Variants in SCFD2 observed in about 807,000 individuals in gnomAD.
SCFD2 encodes the protein sec1 family domain-containing protein 2.
SCFD2 carries 54 observed loss-of-function variants against 58.9 expected under a neutral mutation model. The ratio of observed to expected loss-of-function variants is 0.92; its 90% CI spans 0.74 to 1.15. The LOEUF is 1.15. Ranked by LOEUF, SCFD2 falls within the 50% of genes most tolerant of loss-of-function variation. The pLI, the probability that SCFD2 is intolerant of heterozygous loss-of-function variation, is 0.00. For synonymous variants in SCFD2, 321 were observed against 335.9 expected, an observed-to-expected ratio of 0.96 and a Z score of 0.49; for missense variants, 805 against 836.6, an observed-to-expected ratio of 0.96 and a Z score of 0.47.
chr4:52,968,223 C>A (rs1264836552), intron 5 of SCFD2, among the ~76,000 whole-genome samples: 1 of 152,222 alleles, frequency 6.6e-6, no homozygotes, highest in East Asian at 1.9e-4. Context: ...TGTGCTAGGG[C>A]TAACACTATA....
At chr4:53,201,307 G>A (rs956256705) in intron 4 of SCFD2, among the ~76,000 whole-genome samples, 5 of 152,038 alleles carry the variant, frequency 3.3e-5, no homozygotes. Context: ...AGTTTGCTGA[G>A]AATGGTGGTT....
At chr4:53,176,947 CAAA>C (rs3064988) in intron 4 of SCFD2, among the ~76,000 whole-genome samples, 299 of 124,674 alleles carry the variant, frequency 2.4e-3, no homozygotes, top group African/African-American at 5.6e-3. Flanking sequence ...ACAACAATCT[CAAA>C]AAAAAAAAAA....
chr4:53,140,392 A>AATATATATATATATATATATATATAT (rs1553880149), intron 5 of SCFD2, among the ~76,000 whole-genome samples: 4 of 97,498 alleles, frequency 4.1e-5, no homozygotes, highest in South Asian at 8.5e-4. Flanking sequence ...CAAAAATGCT[A>AATATATATATATATATATATATATAT]ATATATATAT....
intron 4 of SCFD2, among the ~76,000 whole-genome samples, chr4:53,245,270 T>A (rs1437282887): frequency 1.3e-5 from 2 of 151,944 alleles, no homozygotes; most frequent in African/African-American, 4.8e-5. Context: ...GCCCGAATTA[T>A]CCTGATAGAA....
intron 4 of SCFD2, among the ~76,000 whole-genome samples, chr4:53,253,057 C>A (rs188365609): frequency 6.4e-4 from 97 of 152,236 alleles, no homozygotes; most frequent in African/African-American, 2.2e-3. Context: ...AAACAAACAA[C>A]CCCACCAAAA....
chr4:53,316,770 T>A (rs1007459302), intron 2 of SCFD2, among the ~76,000 whole-genome samples: 1 of 152,156 alleles, frequency 6.6e-6, no homozygotes, highest in African/African-American at 2.4e-5. Context: ...TCTCTAACAG[T>A]GATACATACT....
intron 4 of SCFD2, among the ~76,000 whole-genome samples, chr4:53,183,442 G>A (rs1386888692): frequency 6.6e-6 from 1 of 151,990 alleles, no homozygotes; most frequent in East Asian, 1.9e-4. Context: ...TCATAGGTGG[G>A]AACTGAACAA....
At chr4:52,971,411 TATCAGTG>T (rs894963663) in intron 5 of SCFD2, among the ~76,000 whole-genome samples, 1 of 152,100 alleles carries the variant, frequency 6.6e-6, no homozygotes, top group African/African-American at 2.4e-5. Context: ...GAAGAAAGGG[TATCAGTG>T]ATGGAAAATC....
intron 3 of SCFD2, among the ~76,000 whole-genome samples, chr4:53,284,118 CAAAAAAA>C (rs561985080): frequency 2.4e-5 from 2 of 82,226 alleles, no homozygotes; most frequent in African/African-American, 8.4e-5. Flanking sequence ...GACTCCATCT[CAAAAAAA>C]AAAAAAAAAA....
chr4:53,107,154 T>C (rs1725028149), intron 5 of SCFD2, among the ~76,000 whole-genome samples: 1 of 152,048 alleles, frequency 6.6e-6, no homozygotes, highest in Non-Finnish European at 1.5e-5. Context: ...AGAAATAAAA[T>C]CCTTTACAAA....
At chr4:53,206,651 T>A (rs1728415091) in intron 4 of SCFD2, among the ~76,000 whole-genome samples, 1 of 152,114 alleles carries the variant, frequency 6.6e-6, no homozygotes, top group Non-Finnish European at 1.5e-5. Context: ...ACCCTATACA[T>A]GTATCACTGA....
At chr4:52,884,080 G>T (rs1034978240) in intron 8 of SCFD2, among the ~76,000 whole-genome samples, 1 of 152,184 alleles carries the variant, frequency 6.6e-6, no homozygotes, top group Non-Finnish European at 1.5e-5. Flanking sequence ...AACTACAAGG[G>T]TTACTGAGCC....
chr4:52,944,662 G>T (rs1283057646), intron 5 of SCFD2, among the ~76,000 whole-genome samples: 2 of 152,162 alleles, frequency 1.3e-5, no homozygotes, highest in African/African-American at 4.8e-5. Flanking sequence ...CTTTTCACAT[G>T]TTTAACATAA....
intron 5 of SCFD2, among the ~76,000 whole-genome samples, chr4:53,021,232 T>C (rs1722342245): frequency 6.6e-6 from 1 of 152,204 alleles, no homozygotes; most frequent in Non-Finnish European, 1.5e-5. Context: ...TGAATAATTT[T>C]ACATGTCCTG....
At chr4:53,019,065 A>C (rs545800737) in intron 5 of SCFD2, among the ~76,000 whole-genome samples, 4 of 152,286 alleles carry the variant, frequency 2.6e-5, no homozygotes, top group African/African-American at 9.6e-5. Flanking sequence ...CCCAGGGTGC[A>C]ATGTGTTCAA....
At chr4:53,008,295 A>G (rs760528713) in intron 5 of SCFD2, among the ~76,000 whole-genome samples, 57 of 152,154 alleles carry the variant, frequency 3.7e-4, no homozygotes, top group Admixed American at 1.8e-3. Context: ...CCATAGGGCA[A>G]GAGAGCCTAC....
At chr4:53,235,105 C>A (rs1263846967) in intron 4 of SCFD2, among the ~76,000 whole-genome samples, 1 of 152,228 alleles carries the variant, frequency 6.6e-6, no homozygotes, top group Admixed American at 6.5e-5. Context: ...AAGACATGTG[C>A]CTGCCCTTTA....
chr4:53,073,372 A>C (rs1723879114), intron 5 of SCFD2, among the ~76,000 whole-genome samples: 1 of 152,138 alleles, frequency 6.6e-6, no homozygotes, highest in East Asian at 1.9e-4. Context: ...GAAATGCACA[A>C]GGCTTTGAAA....
At chr4:53,264,515 G>C (rs1285062439) in intron 4 of SCFD2, among the ~76,000 whole-genome samples, 1 of 152,130 alleles carries the variant, frequency 6.6e-6, no homozygotes, top group African/African-American at 2.4e-5. Flanking sequence ...GGCCCACAGA[G>C]AAGCAGTGTG....
Sources: gnomAD v4.1 joint callset for allele counts (sites outside exome capture counted in the v4.1 genomes callset) on GRCh38, gnomAD v4.1.1 for gene constraint, MANE v1.5 for transcripts, NCBI Gene and HGNC (gene_info 2026-07-23, HGNC 2026-07-21) for gene names.